Variants in WBP2NL observed in about 807,000 individuals in gnomAD.
WBP2NL encodes the protein WBP2 N-terminal like, also known as postacrosomal sheath WW domain-binding protein.
Under a neutral mutation model 23.3 loss-of-function variants are expected in WBP2NL, and 27 were observed. The ratio of observed to expected loss-of-function variants is 1.16; its 90% CI spans 0.85 to 1.60. WBP2NL has a LOEUF of 1.60. Ranked by LOEUF, WBP2NL falls within the 40% of genes most tolerant of loss-of-function variation. The pLI is 0.00. For synonymous variants in WBP2NL, 151 were observed against 145.9 expected (o/e 1.03, Z -0.25); for missense variants, 370 against 389.5 (o/e 0.95, Z 0.42).
chr22:42,034,718 G>A (rs962159599), downstream of WBP2NL, among the ~76,000 whole-genome samples: 4 of 152,134 alleles, frequency 2.6e-5, no homozygotes, highest in African/African-American at 9.7e-5. Context: ...CGCCCCGGGG[G>A]GGCCAGTTCA....
Position 42,019,321 on chromosome 22 carries a change from C to T in WBP2NL, c.73C>T (p.Arg25Trp), listed in dbSNP as rs369843459. The T allele has an allele frequency of 1.4e-5, 22 of 1,613,656 alleles. No homozygotes were observed. The highest frequency in any genetic ancestry group is 2.2e-5 in the East Asian group (1 of 44,888). Residue 25 changes from arginine (R) to tryptophan (W), a missense_variant, in exon 2 of 6, where the codon CGG (arginine) becomes TGG (tryptophan). Transcript: ENST00000328823. ...CCTCATTTTCTACAGTCTCTTGAAG[C>T]GGTCTCCGAATGTGGAGCTCTCCTT... is the stretch of plus-strand genomic sequence containing the variant. Reference protein sequence around the residue: ...LIPNGESLLKRSPNVELSFPQ... With the variant: ...LIPNGESLLKWSPNVELSFPQ...
chr22:42,001,180 A>G lies in WBP2NL; in HGVS notation c.62+2300A>G, dbSNP rs568583062. The stretch of plus-strand genomic sequence containing the variant: ...AAACAGCTTTGCTTCCTTCATCATG[A>G]GTAATCTTCCTCCAGCAGTCAAATG... On this transcript the variant is annotated intron_variant, in intron 1 of 5. Coordinates refer to ENST00000328823, the MANE Select transcript of WBP2NL (RefSeq NM_152613.3). 147 of 789,032 alleles carry G rather than the reference A, an allele frequency of 1.9e-4. 1 individual carries two copies. Among genetic ancestry groups the G allele is most frequent in the South Asian group, 1.7e-3 (124 of 72,128 alleles). The allele number at this position is 789,032 out of a possible 1,614,324, so 48.9% of individuals were successfully genotyped here. A position where few individuals can be genotyped will look rare whatever the true frequency, so the allele number is the denominator to read the frequency against.
intron 8 of WBP2NL, among the ~76,000 whole-genome samples, chr22:42,047,268 T>TAAAAAAAAA (rs1569454673): frequency 2.8e-5 from 1 of 36,224 alleles, no homozygotes; most frequent in African/African-American, 8.1e-5. Context: ...ATTTTCAAGC[T>TAAAAAAAAA]CAAAAAAAAA....
intron 1 of WBP2NL, among the ~76,000 whole-genome samples, chr22:42,012,307 C>T (rs574957387): frequency 1.4e-4 from 21 of 151,846 alleles, no homozygotes; most frequent in South Asian, 2.1e-4. Context: ...GTTAGGTTGT[C>T]GATTTGAGAT....
intron 1 of WBP2NL, chr22:42,003,451 G>C (rs1168405524): frequency 1.3e-5 from 2 of 152,084 alleles, no homozygotes; most frequent in Admixed American, 1.3e-4. Flanking sequence ...GTGATTAAAA[G>C]GATTAATCGA....
At chr22:42,002,786 T>A (rs757207831) in intron 1 of WBP2NL, 2 of 152,112 alleles carry the variant, frequency 1.3e-5, no homozygotes, top group Non-Finnish European at 2.9e-5. Context: ...AAGGACTCTT[T>A]CTCTGTTTTC....
At chr22:42,045,444 A>T (rs919880686) in intron 8 of WBP2NL, among the ~76,000 whole-genome samples, 2 of 152,152 alleles carry the variant, frequency 1.3e-5, no homozygotes, top group African/African-American at 4.8e-5. Flanking sequence ...AAAACAAAAA[A>T]CAAAACAAAC....
intron 1 of WBP2NL, chr22:42,001,478 A>C: frequency 1.1e-6 from 1 of 933,260 alleles, no homozygotes; most frequent in Non-Finnish European, 1.8e-6. Flanking sequence ...AGATTTGTAG[A>C]TCTTAACTAG....
At chr22:42,056,904 A>G (rs1418869960) in intron 8 of WBP2NL, among the ~76,000 whole-genome samples, 2 of 152,086 alleles carry the variant, frequency 1.3e-5, no homozygotes, top group Non-Finnish European at 2.9e-5. Flanking sequence ...TCTTGTTTCC[A>G]TGGTTTCTGA....
At chr22:42,000,790 C>G (rs554183020) in intron 1 of WBP2NL, among the ~76,000 whole-genome samples, 1 of 147,600 alleles carries the variant, frequency 6.8e-6, no homozygotes, top group African/African-American at 2.5e-5. Context: ...AAAAAAACAG[C>G]CGGGAGTGGT....
rs1921683264 is a variant in WBP2NL at position 42,001,542 on chromosome 22, C to T, written c.62+2662C>T. ...TCAGCTCCAGCTTTGCCCACATCAG[C>T]TGCTACACGAGTATGGGCAAAATCA... On this transcript the variant is annotated intron_variant, in intron 1 of 5. Coordinates refer to ENST00000328823, the MANE Select transcript of WBP2NL (RefSeq NM_152613.3). 5.4e-6 allele frequency: 6 copies of T among 1,102,388 alleles called. No individual in the cohort carries two copies. The East Asian group carries it at 1.4e-4, about 26-fold the overall frequency. The allele number at this position is 1,102,388 out of a possible 1,614,324, so 68.3% of individuals were successfully genotyped here.
At chr22:42,020,158 T>G in intron 4 of WBP2NL, 62 bp downstream of exon 4, 1 of 1,470,366 alleles carries the variant, frequency 6.8e-7, no homozygotes, top group East Asian at 2.3e-5. Context: ...GTTTGGGTTT[T>G]TTGTTGTTGT....
chr22:42,055,842 C>G (rs1158639108), intron 8 of WBP2NL, among the ~76,000 whole-genome samples: 1 of 151,640 alleles, frequency 6.6e-6, no homozygotes, highest in South Asian at 2.1e-4. Flanking sequence ...TTAACATAGA[C>G]CCTCCCCCCA....
chr22:42,049,392 T>A (rs1925727644), intron 8 of WBP2NL, among the ~76,000 whole-genome samples: 1 of 152,120 alleles, frequency 6.6e-6, no homozygotes, highest in African/African-American at 2.4e-5. Context: ...ATAAAAATTC[T>A]AGAAGATAAC....
Position 42,001,619 on chromosome 22 carries a change from A to G in WBP2NL, c.62+2739A>G, listed in dbSNP as rs1921695278. On this transcript the variant is annotated intron_variant, in intron 1 of 5. Coordinates refer to ENST00000328823, the MANE Select transcript of WBP2NL (RefSeq NM_152613.3). The stretch of plus-strand genomic sequence containing the variant: ...GGCCCCAGTGGCACCGCCTGATGCC[A>G]GATTCCCTGCAAAGTAGCGCCAAAA... The G allele has an allele frequency of 2.7e-5, 31 of 1,139,494 alleles. 1 individual carries two copies. The South Asian group carries it at 3.5e-4, about 13-fold the overall frequency. The allele number at this position is 1,139,494 out of a possible 1,614,324, so 70.6% of individuals were successfully genotyped here.
chr22:42,030,743 G>T (rs1412497433), downstream of WBP2NL: 1 of 152,222 alleles, frequency 6.6e-6, no homozygotes, highest in East Asian at 1.9e-4. Flanking sequence ...GTGATGAGAG[G>T]AAGAGAGGAG....
chr22:42,045,838 AT>A (rs1266925964), intron 8 of WBP2NL, among the ~76,000 whole-genome samples: 1 of 152,194 alleles, frequency 6.6e-6, no homozygotes, highest in East Asian at 1.9e-4. Flanking sequence ...ACTGATTTAC[AT>A]TTTCAACTAT....
chr22:42,020,872 A>ATGTATATGTATG (rs1569449948), intron 4 of WBP2NL, among the ~76,000 whole-genome samples: 2 of 15,032 alleles, frequency 1.3e-4, no homozygotes, highest in Non-Finnish European at 2.1e-4. Flanking sequence ...GTGTGTGTAT[A>ATGTATATGTATG]TATATATATA....
chr22:42,049,012 CATAT>C (rs907024237), intron 8 of WBP2NL, among the ~76,000 whole-genome samples: 8 of 152,058 alleles, frequency 5.3e-5, no homozygotes, highest in African/African-American at 9.7e-5. Flanking sequence ...AAATAAAAGG[CATAT>C]ATATTCAGAA....
Sources: gnomAD v4.1 joint callset for allele counts (sites outside exome capture counted in the v4.1 genomes callset) on GRCh38, gnomAD v4.1.1 for gene constraint, MANE v1.5 for transcripts, NCBI Gene and HGNC (gene_info 2026-07-23, HGNC 2026-07-21) for gene names.